The following HMGCLL1 variants were observed in gnomAD, a reference collection of about 807,000 sequenced individuals.
The protein encoded by HMGCLL1 is 3-hydroxy-3-methylglutaryl-CoA lyase like 1.
In HMGCLL1, 36 loss-of-function variants were observed where a neutral mutation model predicts 39.1. The observed-to-expected ratio is 0.92, with a 90% CI of 0.71 to 1.22. The LOEUF is 1.22. Among genes scored for constraint, HMGCLL1 ranks in the 50% most tolerant of loss-of-function variants. The probability of loss-of-function intolerance (pLI) is 0.00; values close to 1 mark genes in which losing one functional copy is unlikely to be tolerated. For synonymous variants in HMGCLL1, 149 were observed against 144.0 expected, an observed-to-expected ratio of 1.03 and a Z score of -0.25; for missense variants, 451 against 416.5, an observed-to-expected ratio of 1.08 and a Z score of -0.72.
intron 7 of HMGCLL1, among the ~76,000 whole-genome samples, chr6:55,493,026 T>C (rs1766393780): frequency 6.6e-6 from 1 of 150,972 alleles, no homozygotes; most frequent in Admixed American, 6.6e-5. Context: ...CGAAGATATG[T>C]TCCTTAAAAA....
chr6:55,436,353 G>A (rs1437803788), intron 8 of HMGCLL1, among the ~76,000 whole-genome samples: 1 of 152,038 alleles, frequency 6.6e-6, no homozygotes, highest in Non-Finnish European at 1.5e-5. Context: ...TTGTTCGCCT[G>A]AGAGGTTGTA....
At chr6:55,612,483 G>T in the HMGCLL1 span, among the ~76,000 whole-genome samples, 1 of 152,176 alleles carries the variant, frequency 6.6e-6, no homozygotes, top group East Asian at 1.9e-4. Flanking sequence ...AAAAGAACCT[G>T]TATAGAAAAG....
intron 5 of HMGCLL1, among the ~76,000 whole-genome samples, chr6:55,501,265 T>A (rs1453119585): frequency 6.6e-6 from 1 of 151,922 alleles, no homozygotes; most frequent in Non-Finnish European, 1.5e-5. Context: ...AAGCAGAGGT[T>A]GGTACACTAA....
chr6:55,657,029 C>T, the HMGCLL1 span, among the ~76,000 whole-genome samples: 4 of 151,826 alleles, frequency 2.6e-5, no homozygotes, highest in Admixed American at 2.0e-4. Context: ...ACTTTGCCCA[C>T]TTTTTTATGG....
chr6:55,622,808 GT>G, the HMGCLL1 span, among the ~76,000 whole-genome samples: 2 of 151,996 alleles, frequency 1.3e-5, no homozygotes, highest in African/African-American at 4.8e-5. Context: ...CTCTTCCCCT[GT>G]TTTTTGTAGC....
the HMGCLL1 span, among the ~76,000 whole-genome samples, chr6:55,603,294 T>C: frequency 6.6e-6 from 1 of 152,126 alleles, no homozygotes; most frequent in Non-Finnish European, 1.5e-5. Context: ...TCTAACTCAT[T>C]CTTACTTGAT....
In HMGCLL1 at chr6:55,502,515, A is replaced by G. The variant is rs920413085; in HGVS notation, c.543-3216T>C. Among the ~76,000 whole-genome samples the G allele has an allele frequency of 3.3e-5, 5 of 151,602 alleles. No individual in the cohort carries two copies. The Admixed American group carries it at 3.3e-4, about 10-fold the overall frequency. ...TTACTTTTACAATTTCTATTAATTT[A>G]TTTTTCTGGGTTTCACTCTTACAGT... On this transcript the variant is annotated intron_variant, in intron 5 of 8. Transcript: ENST00000274901.
chr6:55,554,383 T>C (rs890319545), intron 1 of HMGCLL1, among the ~76,000 whole-genome samples: 1 of 151,952 alleles, frequency 6.6e-6, no homozygotes, highest in Admixed American at 6.6e-5. Flanking sequence ...ACTTGCAGAA[T>C]ATGGAGCTGG....
the HMGCLL1 span, among the ~76,000 whole-genome samples, chr6:55,619,099 C>G: frequency 6.6e-6 from 1 of 151,300 alleles, no homozygotes; most frequent in African/African-American, 2.4e-5. Flanking sequence ...AGCAAGCAGG[C>G]AAAACTGGGG....
upstream of HMGCLL1, among the ~76,000 whole-genome samples, chr6:55,581,630 G>A (rs1771988289): frequency 6.6e-6 from 1 of 151,948 alleles, no homozygotes; most frequent in Non-Finnish European, 1.5e-5. Context: ...TAGATAAAAT[G>A]AGAATAAAAA....
At chr6:55,603,596 A>G in the HMGCLL1 span, among the ~76,000 whole-genome samples, 2 of 152,102 alleles carry the variant, frequency 1.3e-5, no homozygotes, top group African/African-American at 4.8e-5. Flanking sequence ...AAACAGAAAA[A>G]TGTCCATGCC....
chr6:55,536,955 G>A (rs1477623534), intron 3 of HMGCLL1, among the ~76,000 whole-genome samples: 1 of 151,626 alleles, frequency 6.6e-6, no homozygotes, highest in Non-Finnish European at 1.5e-5. Context: ...ATAAGATGTA[G>A]AGAATTAATA....
intron 7 of HMGCLL1, among the ~76,000 whole-genome samples, chr6:55,488,315 T>A (rs1261972804): frequency 1.3e-5 from 2 of 152,044 alleles, no homozygotes; most frequent in African/African-American, 4.8e-5. Flanking sequence ...CAGATTTTTT[T>A]AAAAGTTAAG....
At chr6:55,542,395 AG>A (rs1276446340) in intron 1 of HMGCLL1, among the ~76,000 whole-genome samples, 1 of 152,144 alleles carries the variant, frequency 6.6e-6, no homozygotes. Context: ...ATATAATTGA[AG>A]AATAATTGAT....
the HMGCLL1 span, among the ~76,000 whole-genome samples, chr6:55,587,705 G>A: frequency 0.01 from 1,545 of 152,166 alleles, 27 homozygotes; most frequent in African/African-American, 0.035. Flanking sequence ...AGGGACGGAG[G>A]AAGATCTATC....
In HMGCLL1 at chr6:55,516,566, T is replaced by G. The variant is rs1364086980; in HGVS notation, c.335A>C (p.Gln112Pro). 6.2e-7 allele frequency: 1 copy of G among 1,602,830 alleles called. No individual in the cohort carries two copies. ...DHTEVMKGIH[Q>P]YPGVRYPVLT... ...GACAGGATAGCGAACTCCTGGATAT[T>G]GATGAATGCCTTTCATTACTTCAGT... Residue 112 changes from glutamine (Q) to proline (P), a missense_variant, in exon 4 of 9, where the codon CAA (glutamine) becomes CCA (proline). Coordinates refer to ENST00000274901, the MANE Select transcript of HMGCLL1 (RefSeq NM_001042406.2).
chr6:55,517,754 CAG>C (rs1767820072), intron 3 of HMGCLL1, among the ~76,000 whole-genome samples: 1 of 151,942 alleles, frequency 6.6e-6, no homozygotes, highest in South Asian at 2.1e-4. Context: ...CAAATGCCAG[CAG>C]AGTTAAATTT....
the HMGCLL1 span, among the ~76,000 whole-genome samples, chr6:55,591,061 T>C: frequency 2.0e-5 from 3 of 152,026 alleles, no homozygotes; most frequent in Admixed American, 6.6e-5. Context: ...CAAGAATAAA[T>C]AATAAAAAGA....
At chr6:55,487,905 T>C (rs1766121988) in intron 7 of HMGCLL1, among the ~76,000 whole-genome samples, 1 of 152,126 alleles carries the variant, frequency 6.6e-6, no homozygotes, top group African/African-American at 2.4e-5. Context: ...TGGGTTATTA[T>C]GACACTTTAA....
Sources: allele counts gnomAD v4.1 joint callset (sites outside exome capture counted in the v4.1 genomes callset), GRCh38; gene constraint gnomAD v4.1.1; transcripts MANE v1.5; gene names NCBI Gene and HGNC (gene_info 2026-07-23, HGNC 2026-07-21).